Variants in OTOG observed in about 807,000 individuals in gnomAD.
OTOG encodes otogelin.
OTOG carries 296 observed loss-of-function variants against 313.8 expected under a neutral mutation model. The observed-to-expected ratio is 0.94, with a 90% CI of 0.86 to 1.04. The LOEUF (loss-of-function observed/expected upper bound fraction) is 1.04, where lower values mean the gene tolerates loss of function less well. Ranked by LOEUF, OTOG falls within the 50% of genes least tolerant of loss-of-function variation. OTOG has a pLI of 0.00. For missense variants in OTOG, 3,948 were observed against 3,840.1 expected (o/e 1.03, Z -0.74); for synonymous variants, 1,533 against 1,554.9 (o/e 0.99, Z 0.33).
chr11:17,617,253 T>C (rs984311580), intron 39 of OTOG, among the ~76,000 whole-genome samples: 6 of 152,192 alleles, frequency 3.9e-5, no homozygotes, highest in African/African-American at 1.4e-4. Context: ...ATGATAGGTA[T>C]TAGTCTAAAT....
At position 17,610,732 on chromosome 11, in the gene OTOG, C is replaced by T. The variant is rs779658224; in HGVS notation, c.5432C>T (p.Ala1811Val). ...GLPPDTSLPL[A>V]KVGTSAPVAT... is the part of the protein sequence containing the mutation. ...CCTCCCGACACCAGCCTGCCCCTGG[C>T]CAAGGTGGGCACATCTGCCCCAGTG... Residue 1811 changes from alanine (A) to valine (V), a missense_variant, in exon 36 of 56, where the codon GCC becomes GTC. Physicochemically the swap from Ala to Val is moderately conservative, Grantham distance 64 (BLOSUM62 0). Transcript: ENST00000399397. 556 of 1,549,974 alleles carry T rather than the reference C, an allele frequency of 3.6e-4. No homozygotes were observed. Among genetic ancestry groups the T allele is most frequent in the Non-Finnish European group, 4.1e-4 (471 of 1,146,996 alleles).
chr11:17,609,528 T>C (rs1853471447), intron 35 of OTOG, 127 bp from the exon 36 acceptor site: 2 of 898,322 alleles, frequency 2.2e-6, no homozygotes, highest in African/African-American at 3.4e-5. Context: ...CATCTGGCCG[T>C]TAGAAGCTGC....
At chr11:17,601,022 G>A (rs1031672207) in intron 31 of OTOG, among the ~76,000 whole-genome samples, 8 of 152,236 alleles carry the variant, frequency 5.3e-5, no homozygotes, top group African/African-American at 1.9e-4. Flanking sequence ...TCCACATTCA[G>A]TTGGTAGTTT....
chr11:17,611,993 C>T (rs1381536979), intron 36 of OTOG, among the ~76,000 whole-genome samples, 169 bp from the exon 37 acceptor site: 2 of 152,106 alleles, frequency 1.3e-5, no homozygotes, highest in Non-Finnish European at 2.9e-5. Context: ...CTAAGTGCAT[C>T]GCCAGGCCCC....
At chr11:17,605,715 C>CT in intron 32 of OTOG, 142 bp from the exon 33 acceptor site, 1 of 887,334 alleles carries the variant, frequency 1.1e-6, no homozygotes, top group Non-Finnish European at 1.6e-6. Flanking sequence ...GGGCTGGGGG[C>CT]TGGTGTAGGG....
intron 23 of OTOG, among the ~76,000 whole-genome samples, chr11:17,583,169 C>T (rs1164420450): frequency 6.6e-6 from 1 of 151,994 alleles, no homozygotes; most frequent in Non-Finnish European, 1.5e-5. Context: ...AGGTCTTGCT[C>T]TGCTGCTCAG....
Position 17,633,779 on chromosome 11 carries a change from A to C in OTOG, c.7172A>C (p.Glu2391Ala). Residue 2391 changes from glutamate (E) to alanine (A), a missense_variant, in exon 43 of 56, where the codon GAG becomes GCG. By Grantham distance (107) the Glu-to-Ala change is moderately radical (BLOSUM62 -1). Coordinates refer to ENST00000399397, the MANE Select transcript of OTOG (RefSeq NM_001292063.2). The part of the protein sequence containing the change: ...QDGILGPLDP[E>A]HCQVLGEGCV... ...GGGATACTAGGGCCTCTGGACCCAGAGCACTGCCAGGTGCTGGGCGAGGGC... is the reference window on the plus strand; with the variant it reads ...GGGATACTAGGGCCTCTGGACCCAGCGCACTGCCAGGTGCTGGGCGAGGGC... The C allele has an allele frequency of 6.4e-7, 1 of 1,550,494 alleles. No homozygotes were observed. The highest frequency in any genetic ancestry group is 8.7e-7 in the Non-Finnish European group (1 of 1,146,964).
In OTOG at chr11:17,569,268, T is replaced by C; in HGVS notation, c.1757T>C (p.Ile586Thr). ...GTCCTTCTGTTTGACCAGTACAAGA[T>C]CATCCCGCCATACACAGATGGTACG... ...GDVLLFDQYK[I>T]IPPYTDDAFE... is the part of the protein sequence containing the mutation. Residue 586 changes from isoleucine (I) to threonine (T), a missense_variant, in exon 16 of 56, where the codon ATC (isoleucine) becomes ACC (threonine). Coordinates refer to ENST00000399397, the MANE Select transcript of OTOG (RefSeq NM_001292063.2). 1 of 1,550,524 alleles carries C rather than the reference T, an allele frequency of 6.4e-7. No individual in the cohort carries two copies. Among genetic ancestry groups the C allele is most frequent in the Non-Finnish European group, 8.7e-7 (1 of 1,146,992 alleles).
At chr11:17,587,270 C>T (rs563335371) in intron 24 of OTOG, among the ~76,000 whole-genome samples, 2 of 152,266 alleles carry the variant, frequency 1.3e-5, no homozygotes, top group South Asian at 2.1e-4. Context: ...GAAACAGACT[C>T]GGGGTTAGTT....
intron 22 of OTOG, among the ~76,000 whole-genome samples, chr11:17,577,734 G>A (rs1337735653): frequency 2.6e-5 from 4 of 152,036 alleles, no homozygotes; most frequent in Admixed American, 1.3e-4. Context: ...CACCTCCTGT[G>A]CCTATGCCTT....
Position 17,559,555 on chromosome 11 carries a change from C to G in OTOG, c.1235C>G (p.Ala412Gly). The G allele has an allele frequency of 6.4e-7, 1 of 1,550,724 alleles. No homozygotes were observed. The highest frequency in any genetic ancestry group is 8.7e-7 in the Non-Finnish European group (1 of 1,147,032). ...CAAGCTGTGCACTGCAAGGAGAAGG[C>G]CTTTACCTACAATGAGTGCATCGCC... ...RQCTVHCKEK[A>G]FTYNECIACC... is the part of the protein sequence containing the mutation. The change falls in exon 12 of 56, where the codon GCC becomes GGC. Residue 412 changes from alanine (A) to glycine (G), a missense_variant. By Grantham distance (60) the Ala-to-Gly change is moderately conservative. Coordinates refer to ENST00000399397, the MANE Select transcript of OTOG (RefSeq NM_001292063.2).
At chr11:17,623,443 C>T (rs1453418080) in intron 39 of OTOG, among the ~76,000 whole-genome samples, 1 of 152,168 alleles carries the variant, frequency 6.6e-6, no homozygotes, top group Non-Finnish European at 1.5e-5. Flanking sequence ...TAATGGCCTC[C>T]ATCTCCATCC....
At position 17,561,724 on chromosome 11, in the gene OTOG, C is replaced by T; in HGVS notation, c.1561C>T (p.Pro521Ser). ...TTFDGRRYTF[P>S]ATCQYILAKS... Reference sequence around the variant, plus strand: ...CTTTGATGGCCGCCGGTACACGTTCCCCGCCACATGTCAGTACATCCTGGC... The same window carrying T: ...CTTTGATGGCCGCCGGTACACGTTCTCCGCCACATGTCAGTACATCCTGGC... The change falls in exon 15 of 56, where the codon CCC becomes TCC. Residue 521 changes from proline to serine, a missense_variant. By Grantham distance (74) the Pro-to-Ser change is moderately conservative. Coordinates refer to ENST00000399397, the MANE Select transcript of OTOG (RefSeq NM_001292063.2). The T allele has an allele frequency of 3.9e-6, 6 of 1,550,552 alleles. No homozygotes were observed. The highest frequency in any genetic ancestry group is 5.2e-6 in the Non-Finnish European group (6 of 1,146,996).
rs113334080 is a variant in OTOG, at chr11:17,588,838, A to G, written c.2867+2257A>G. On this transcript the variant is annotated intron_variant, in intron 24 of 55. Coordinates refer to ENST00000399397, the MANE Select transcript of OTOG (RefSeq NM_001292063.2). The stretch of plus-strand genomic sequence containing the variant: ...CCGTTCCCAACAACTCACCCAGCCC[A>G]TATCCCAATGCGTCTCACCTCACCT... 4.2e-3 allele frequency among the ~76,000 whole-genome samples: 643 copies of G among 151,958 alleles called. 5 individuals carry two copies. The highest frequency in any genetic ancestry group is 0.015 in the African/African-American group (609 of 41,414).
chr11:17,612,457 G>A (rs545850029), intron 37 of OTOG, 127 bp downstream of exon 37: 20 of 1,394,066 alleles, frequency 1.4e-5, no homozygotes, highest in African/African-American at 7.2e-5. Flanking sequence ...GATTTCCTAC[G>A]CTTGTGACCT....
At chr11:17,579,745 G>A (rs1262484824) in intron 23 of OTOG, among the ~76,000 whole-genome samples, 2 of 152,158 alleles carry the variant, frequency 1.3e-5, no homozygotes, top group African/African-American at 4.8e-5. Context: ...CTGAGGTCAG[G>A]AAAAGCCAGG....
chr11:17,568,888 T>C (rs1852347165), intron 15 of OTOG, among the ~76,000 whole-genome samples: 1 of 152,244 alleles, frequency 6.6e-6, no homozygotes, highest in South Asian at 2.1e-4. Context: ...ATCTCTGCTC[T>C]GTGTCTTTAG....
intron 51 of OTOG, 26 bp downstream of exon 51, chr11:17,641,117 G>T: frequency 1.3e-6 from 2 of 1,502,502 alleles, no homozygotes; most frequent in South Asian, 1.2e-5. Context: ...GGGCGGGGTG[G>T]GTGGGGTTGG....
At chr11:17,552,785 C>G (rs1301059654) in intron 4 of OTOG, among the ~76,000 whole-genome samples, 1 of 152,230 alleles carries the variant, frequency 6.6e-6, no homozygotes, top group Non-Finnish European at 1.5e-5. Context: ...TCTGGGCAGT[C>G]CCCCTGCTCA....
Sources: allele counts gnomAD v4.1 joint callset (sites outside exome capture counted in the v4.1 genomes callset), GRCh38; gene constraint gnomAD v4.1.1; transcripts MANE v1.5; gene names NCBI Gene and HGNC (gene_info 2026-07-23, HGNC 2026-07-21).